The following TAFA2 variants were observed in gnomAD, a reference collection of about 807,000 sequenced individuals.
The protein encoded by TAFA2 is chemokine-like protein TAFA-2.
In TAFA2, 7 loss-of-function variants were observed where a neutral mutation model predicts 18.8. The observed-to-expected ratio is 0.37, with a 90% CI of 0.21 to 0.70. TAFA2 has a LOEUF of 0.70. Among genes scored for constraint, TAFA2 ranks in the 30% least tolerant of loss-of-function variants. The pLI, the probability that TAFA2 is intolerant of heterozygous loss-of-function variation, is 0.53. For synonymous variants in TAFA2, 60 were observed against 54.2 expected, an observed-to-expected ratio of 1.11 and a Z score of -0.47; for missense variants, 122 against 158.1, an observed-to-expected ratio of 0.77 and a Z score of 1.23.
intron 1 of TAFA2, chr12:62,234,526 C>T (rs756690957): frequency 2.1e-6 from 2 of 951,326 alleles, no homozygotes; most frequent in South Asian, 1.3e-5. Flanking sequence ...TTTATATGGT[C>T]AATGTCTGGT....
At chr12:62,183,227 CAT>C (rs1277432711) in intron 1 of TAFA2, among the ~76,000 whole-genome samples, 2 of 152,196 alleles carry the variant, frequency 1.3e-5, no homozygotes, top group Non-Finnish European at 2.9e-5. Flanking sequence ...ACAACCACCA[CAT>C]GAGGGTCTAG....
chr12:62,048,392 C>A (rs1881964786), intron 1 of TAFA2, among the ~76,000 whole-genome samples: 1 of 152,056 alleles, frequency 6.6e-6, no homozygotes, highest in African/African-American at 2.4e-5. Flanking sequence ...GAAAACTGCC[C>A]CCATGATTCA....
intron 1 of TAFA2, among the ~76,000 whole-genome samples, chr12:61,920,974 C>A (rs1877027653): frequency 6.6e-6 from 1 of 152,010 alleles, no homozygotes; most frequent in South Asian, 2.1e-4. Context: ...CTGGATGAAC[C>A]ACTGAAAACG....
intron 1 of TAFA2, among the ~76,000 whole-genome samples, chr12:61,949,695 A>G (rs1878399458): frequency 6.6e-6 from 1 of 152,092 alleles, no homozygotes; most frequent in Non-Finnish European, 1.5e-5. Flanking sequence ...TAAAACCCTG[A>G]CTAATACAAC....
chr12:61,896,434 T>C (rs551837960), intron 1 of TAFA2, among the ~76,000 whole-genome samples: 31 of 152,328 alleles, frequency 2.0e-4, no homozygotes, highest in African/African-American at 7.0e-4. Flanking sequence ...TTCCATAGAT[T>C]GCATACAATT....
At chr12:61,896,578 G>A (rs910676548) in intron 1 of TAFA2, among the ~76,000 whole-genome samples, 1 of 152,134 alleles carries the variant, frequency 6.6e-6, no homozygotes, top group Non-Finnish European at 1.5e-5. Context: ...AGAGTTTTAG[G>A]TTATAAGGAT....
intron 1 of TAFA2, among the ~76,000 whole-genome samples, chr12:62,176,823 C>G (rs115986923): frequency 0.01 from 1,537 of 152,268 alleles, 10 homozygotes; most frequent in Middle Eastern, 0.044. Flanking sequence ...AATTCTCTAA[C>G]CAGCATTCTG....
At chr12:61,772,543 C>T (rs1421495354) in intron 2 of TAFA2, among the ~76,000 whole-genome samples, 1 of 151,862 alleles carries the variant, frequency 6.6e-6, no homozygotes, top group African/African-American at 2.4e-5. Context: ...ACCAGGGATG[C>T]AGGGATGGTT....
Position 61,753,691 on chromosome 12 carries a change from T to C in TAFA2, c.315A>G (p.Glu105=). The C allele has an allele frequency of 1.2e-6, 2 of 1,612,712 alleles. No homozygotes were observed. The highest frequency in any genetic ancestry group is 1.7e-6 in the Non-Finnish European group (2 of 1,179,124). Residue 105 remains glutamate (E), a synonymous_variant, in exon 4 of 5, where the codon GAA becomes GAG. Transcript: ENST00000416284. The part of the protein sequence containing the change: ...WCHMQPCLEG[E]ECKVLPDRKG... The stretch of plus-strand genomic sequence containing the variant: ...TCCGATCCGGAAGAACTTTACATTC[T>C]TCTCCCTCTAGACATGGCTGCATAT...
chr12:62,164,243 A>C (rs945110470), intron 1 of TAFA2, among the ~76,000 whole-genome samples: 4 of 152,270 alleles, frequency 2.6e-5, no homozygotes, highest in African/African-American at 9.6e-5. Flanking sequence ...AAGGGCAGCC[A>C]AAGTTTCACT....
intron 1 of TAFA2, among the ~76,000 whole-genome samples, chr12:61,968,214 T>A (rs1879132413): frequency 1.3e-5 from 2 of 151,778 alleles, no homozygotes; most frequent in Admixed American, 1.3e-4. Flanking sequence ...ACCTGCTTAT[T>A]CCTATTTCTG....
intron 1 of TAFA2, among the ~76,000 whole-genome samples, chr12:61,883,094 C>G (rs182827716): frequency 6.6e-6 from 1 of 152,188 alleles, no homozygotes; most frequent in Non-Finnish European, 1.5e-5. Context: ...ATGACAAGGT[C>G]CCTGCCTGCA....
intron 1 of TAFA2, among the ~76,000 whole-genome samples, chr12:61,974,193 T>C (rs575931790): frequency 3.0e-4 from 45 of 151,860 alleles, no homozygotes; most frequent in African/African-American, 9.6e-4. Flanking sequence ...TATAATAAAA[T>C]ATATTCCTGT....
intron 2 of TAFA2, among the ~76,000 whole-genome samples, chr12:61,766,279 C>T (rs986766024): frequency 9.9e-5 from 15 of 152,042 alleles, no homozygotes; most frequent in African/African-American, 3.6e-4. Flanking sequence ...GCAAAAGCAT[C>T]CTTCCCTCAG....
In TAFA2 at chr12:61,851,774, CAAAAAAAAAAAAAAAAAAAAA is replaced by C. The variant is rs55651727; in HGVS notation, c.106+15525_106+15545del. Among the ~76,000 whole-genome samples, 51 of 14,490 alleles carry C rather than the reference CAAAAAAAAAAAAAAAAAAAAA, an allele frequency of 3.5e-3. No homozygotes were observed. The South Asian group carries it at 0.038, about 11-fold the overall frequency. The allele number at this position is 14,490 out of a possible 152,430, so 9.5% of individuals were successfully genotyped here. A position where few individuals can be genotyped will look rare whatever the true frequency, so the allele number is the denominator to read the frequency against. ...TGGGCGACAGAGCGAGACTCCATCT[CAAAAAAAAAAAAAAAAAAAAA>C]AAAAAAAAAAAAAAAAAAAAAAACA... is the stretch of plus-strand genomic sequence containing the variant. On this transcript the variant is annotated intron_variant, in intron 2 of 4. Transcript: ENST00000416284.
At chr12:62,205,027 T>C (rs1481573235) in intron 1 of TAFA2, among the ~76,000 whole-genome samples, 3 of 152,338 alleles carry the variant, frequency 2.0e-5, no homozygotes, top group African/African-American at 7.2e-5. Flanking sequence ...ATTTTGTTGA[T>C]GCTGTGGTTG....
intron 1 of TAFA2, among the ~76,000 whole-genome samples, chr12:62,046,829 A>G (rs1227253725): frequency 6.6e-6 from 1 of 152,104 alleles, no homozygotes; most frequent in Non-Finnish European, 1.5e-5. Flanking sequence ...TATTATTTCA[A>G]CATATTATTT....
chr12:62,004,631 G>A (rs1880485699), intron 1 of TAFA2, among the ~76,000 whole-genome samples: 3 of 152,040 alleles, frequency 2.0e-5, no homozygotes, highest in South Asian at 4.1e-4. Flanking sequence ...AGATAAGCGG[G>A]ATGGGCAAGA....
At chr12:61,710,882 A>G (rs989238381) in intron 4 of TAFA2, among the ~76,000 whole-genome samples, 1 of 152,130 alleles carries the variant, frequency 6.6e-6, no homozygotes, top group African/African-American at 2.4e-5. Context: ...CATTTTTGAA[A>G]TAGTTTAAAA....
Sources: gnomAD v4.1 joint callset for allele counts (sites outside exome capture counted in the v4.1 genomes callset) on GRCh38, gnomAD v4.1.1 for gene constraint, MANE v1.5 for transcripts, NCBI Gene and HGNC (gene_info 2026-07-23, HGNC 2026-07-21) for gene names.